WDR7: variants seen among roughly 807,000 people sequenced by gnomAD.
WDR7 encodes the protein WD repeat-containing protein 7.
WDR7 carries 46 observed loss-of-function variants against 169.4 expected under a neutral mutation model. That is an observed-to-expected ratio of 0.27 (90% CI 0.21 to 0.35). The LOEUF (loss-of-function observed/expected upper bound fraction) is 0.35, where lower values mean the gene tolerates loss of function less well. WDR7 is among the 10% of genes least tolerant of loss of function. WDR7 has a pLI of 1.00. For missense variants in WDR7, 1,534 were observed against 1,859.3 expected (o/e 0.83, Z 3.22); for synonymous variants, 612 against 666.8 (o/e 0.92, Z 1.27).
At chr18:56,831,389 T>G (rs1483107806) in intron 20 of WDR7, among the ~76,000 whole-genome samples, 1 of 152,118 alleles carries the variant, frequency 6.6e-6, no homozygotes, top group Non-Finnish European at 1.5e-5. Context: ...ATAAAGAGTC[T>G]AGACCACTCT....
intron 1 of WDR7, among the ~76,000 whole-genome samples, chr18:56,665,334 G>A (rs1182762987): frequency 2.7e-5 from 4 of 150,670 alleles, no homozygotes; most frequent in African/African-American, 7.3e-5. Context: ...CTTGGTGTAG[G>A]TGTATCTAGG....
At chr18:56,833,376 A>G (rs892140679) in intron 20 of WDR7, among the ~76,000 whole-genome samples, 1 of 152,126 alleles carries the variant, frequency 6.6e-6, no homozygotes, top group Non-Finnish European at 1.5e-5. Context: ...GAGGAATAGC[A>G]TTAGGAGAAA....
chr18:56,830,646 G>A (rs535846647), intron 20 of WDR7, among the ~76,000 whole-genome samples: 64 of 152,332 alleles, frequency 4.2e-4, no homozygotes, highest in African/African-American at 1.5e-3. Context: ...AGATATATTT[G>A]TGTGGAAGTT....
rs1044431125 is a variant in WDR7 at position 56,710,735 on chromosome 18, G to A, written c.1579-7229G>A. On this transcript the variant is annotated intron_variant, in intron 12 of 27. Coordinates refer to ENST00000254442, the MANE Select transcript of WDR7 (RefSeq NM_015285.3). ...TACTCTCAGCGCCCACTTCATTGCC[G>A]CTTGCCAGCACAAATGTTAGTTACT... Among the ~76,000 whole-genome samples, 7 of 152,066 alleles carry A rather than the reference G, an allele frequency of 4.6e-5. No individual in the cohort carries two copies. The South Asian group carries it at 1.0e-3, about 23-fold the overall frequency.
intron 20 of WDR7, among the ~76,000 whole-genome samples, chr18:56,862,215 T>TGAAG (rs2045815128): frequency 6.6e-6 from 1 of 151,950 alleles, no homozygotes; most frequent in East Asian, 1.9e-4. Context: ...TACTTTATTT[T>TGAAG]TTAATGTGAA....
At chr18:56,988,255 A>G (rs1349660675) in intron 26 of WDR7, among the ~76,000 whole-genome samples, 1 of 152,206 alleles carries the variant, frequency 6.6e-6, no homozygotes, top group Non-Finnish European at 1.5e-5. Flanking sequence ...TGTGAGGCAT[A>G]AGGTTCAGCT....
intron 18 of WDR7, among the ~76,000 whole-genome samples, chr18:56,779,794 T>C (rs1326997014): frequency 6.6e-6 from 1 of 152,186 alleles, no homozygotes; most frequent in African/African-American, 2.4e-5. Context: ...CTTATATACT[T>C]TATGGAACTA....
At chr18:56,696,886 C>T (rs1239580840) in intron 12 of WDR7, among the ~76,000 whole-genome samples, 1 of 152,142 alleles carries the variant, frequency 6.6e-6, no homozygotes. Context: ...ATAGAGTTCA[C>T]TTAAATAAAA....
intron 20 of WDR7, among the ~76,000 whole-genome samples, chr18:56,831,398 C>CT (rs1409400655): frequency 6.6e-6 from 1 of 152,110 alleles, no homozygotes; most frequent in Admixed American, 6.6e-5. Flanking sequence ...CTAGACCACT[C>CT]TGACAATAGA....
intron 14 of WDR7, among the ~76,000 whole-genome samples, chr18:56,743,600 C>T (rs1163688562): frequency 6.6e-6 from 1 of 152,164 alleles, no homozygotes; most frequent in Non-Finnish European, 1.5e-5. Context: ...TAAGAACTGT[C>T]TTCCCAGGAT....
At chr18:56,843,219 GTTTC>G (rs993888819) in intron 20 of WDR7, among the ~76,000 whole-genome samples, 2 of 152,128 alleles carry the variant, frequency 1.3e-5, no homozygotes, top group African/African-American at 4.8e-5. Context: ...AACTGTGAAA[GTTTC>G]TTTATTGTGC....
At chr18:57,022,803 A>C (rs757904378) in intron 27 of WDR7, among the ~76,000 whole-genome samples, 2 of 152,218 alleles carry the variant, frequency 1.3e-5, no homozygotes, top group Non-Finnish European at 2.9e-5. Context: ...CTTTTCAGGT[A>C]ACATCTTTTT....
intron 13 of WDR7, among the ~76,000 whole-genome samples, chr18:56,727,323 A>T (rs939692862): frequency 2.0e-5 from 3 of 151,678 alleles, no homozygotes; most frequent in African/African-American, 4.9e-5. Flanking sequence ...ATTTTTAAAA[A>T]CAGGTTTAGT....
chr18:56,694,631 C>T lies in WDR7; in HGVS notation c.979C>T (p.Pro327Ser). ...DRKDKELLIC[P>S]PVTRFFYGCR... ...CTTTTTTTGGCAGTTGCTAATTTGT[C>T]CTCCTGTTACTCGGTTCTTCTATGG... The change falls in exon 10 of 28, where the codon CCT becomes TCT. Residue 327 changes from proline to serine, a missense_variant. Pro to Ser is a moderately conservative substitution (Grantham distance 74). Transcript: ENST00000254442. 1.9e-6 allele frequency: 3 copies of T among 1,607,000 alleles called. No individual in the cohort carries two copies. The highest frequency in any genetic ancestry group is 2.5e-6 in the Non-Finnish European group (3 of 1,176,544).
rs552606378 is a variant in WDR7 at position 56,866,029 on chromosome 18, A to C, written c.3305-13915A>C. Among the ~76,000 whole-genome samples, 7 of 152,272 alleles carry C rather than the reference A, an allele frequency of 4.6e-5. No homozygotes were observed. The South Asian group carries it at 1.0e-3, about 23-fold the overall frequency. The stretch of plus-strand genomic sequence containing the variant: ...GAGATTCATGTTGGCATAGGCATCA[A>C]ATATTAACTAATTTCTATGCAGTAA... On this transcript the variant is annotated intron_variant, in intron 20 of 27. Coordinates refer to ENST00000254442, the MANE Select transcript of WDR7 (RefSeq NM_015285.3).
intron 13 of WDR7, among the ~76,000 whole-genome samples, chr18:56,729,588 T>C (rs1263378217): frequency 2.0e-5 from 3 of 152,074 alleles, no homozygotes; most frequent in Non-Finnish European, 4.4e-5. Flanking sequence ...TTTTTGTAAC[T>C]TCACAGTACT....
At chr18:56,810,939 A>G (rs1253784857) in intron 19 of WDR7, among the ~76,000 whole-genome samples, 6 of 152,120 alleles carry the variant, frequency 3.9e-5, no homozygotes, top group East Asian at 1.9e-4. Context: ...GCATTACTCC[A>G]TGTTCTGTCC....
intron 19 of WDR7, among the ~76,000 whole-genome samples, chr18:56,796,764 G>T (rs189191702): frequency 6.6e-6 from 1 of 152,154 alleles, no homozygotes; most frequent in Admixed American, 6.5e-5. Context: ...ATTAAAATGT[G>T]CAAGTGAATG....
At chr18:57,010,363 TA>T in intron 26 of WDR7, 2 of 876,312 alleles carry the variant, frequency 2.3e-6, no homozygotes, top group Non-Finnish European at 2.7e-6. Context: ...CACATTTATC[TA>T]AATTATATTA....
Sources: gnomAD v4.1 joint callset for allele counts (sites outside exome capture counted in the v4.1 genomes callset) on GRCh38, gnomAD v4.1.1 for gene constraint, MANE v1.5 for transcripts, NCBI Gene and HGNC (gene_info 2026-07-23, HGNC 2026-07-21) for gene names.